Variants in NPTN observed in about 807,000 individuals in gnomAD.
The protein encoded by NPTN is SDR-1.
A neutral mutation model predicts 42.7 loss-of-function variants in NPTN; 5 were observed. The ratio of observed to expected loss-of-function variants is 0.12; its 90% confidence interval spans 0.06 to 0.25. NPTN has a LOEUF of 0.25. Among genes scored for constraint, NPTN ranks in the 10% least tolerant of loss-of-function variants. NPTN has a pLI of 1.00. For missense variants in NPTN, 307 were observed against 525.4 expected, an observed-to-expected ratio of 0.58 and a Z score of 4.06; for synonymous variants, 180 against 201.9, an observed-to-expected ratio of 0.89 and a Z score of 0.92.
At chr15:73,571,966 T>C (rs977485936) in intron 5 of NPTN, among the ~76,000 whole-genome samples, 3 of 152,190 alleles carry the variant, frequency 2.0e-5, no homozygotes, top group Admixed American at 6.5e-5. Context: ...TCAAGGGCAC[T>C]CCTTCCCAGT....
chr15:73,587,672 A>G (rs1896383160), intron 3 of NPTN, 54 bp from the exon 4 acceptor site: 19 of 1,285,070 alleles, frequency 1.5e-5, no homozygotes, highest in Non-Finnish European at 2.2e-5. Flanking sequence ...GTCAAAATAT[A>G]AAACAGAAGG....
chr15:73,605,097 CA>C (rs1050560492), intron 1 of NPTN, among the ~76,000 whole-genome samples: 2 of 124,768 alleles, frequency 1.6e-5, no homozygotes, highest in African/African-American at 7.5e-5. Context: ...GACCCTGTCT[CA>C]AGGGGGGGGG....
intron 1 of NPTN, among the ~76,000 whole-genome samples, chr15:73,614,688 G>T (rs1368388557): frequency 1.3e-5 from 2 of 151,844 alleles, no homozygotes; most frequent in African/African-American, 4.9e-5. Flanking sequence ...TCTTATTAAT[G>T]AAGGATTAAG....
intron 1 of NPTN, among the ~76,000 whole-genome samples, chr15:73,625,398 T>C (rs1465873790): frequency 6.6e-6 from 1 of 152,146 alleles, no homozygotes; most frequent in Non-Finnish European, 1.5e-5. Flanking sequence ...TCACCCAGGC[T>C]GGAGTGCAGT....
chr15:73,570,477 C>T lies in NPTN; in HGVS notation c.841-54G>A. ...GAGAGTGAGTAACTGAGCTAATGTTCAAGAGAGGGTGACACTGCTCTCCGT... is the reference window on the plus strand; with the variant it reads ...GAGAGTGAGTAACTGAGCTAATGTTTAAGAGAGGGTGACACTGCTCTCCGT... On this transcript the variant is annotated intron_variant, in intron 5 of 8. Transcript: ENST00000345330. The surrounding 1 kb of genome is among the most constrained non-coding windows in gnomAD (Gnocchi z 4.0). The T allele has an allele frequency of 6.5e-7, 1 of 1,536,714 alleles. No homozygotes were observed. The highest frequency in any genetic ancestry group is 1.4e-5 in the African/African-American group (1 of 73,510).
chr15:73,566,102 C>T (rs1247931761), intron 6 of NPTN, among the ~76,000 whole-genome samples: 1 of 152,304 alleles, frequency 6.6e-6, no homozygotes, highest in East Asian at 1.9e-4. Flanking sequence ...TATTTCCTTC[C>T]TTGTTTGGTC....
intron 1 of NPTN, among the ~76,000 whole-genome samples, chr15:73,623,183 A>G (rs1430556963): frequency 6.6e-6 from 1 of 152,228 alleles, no homozygotes; most frequent in Non-Finnish European, 1.5e-5. Flanking sequence ...GCTTCTTTGT[A>G]TTCAACACGT....
chr15:73,590,211 C>G (rs1896516787), intron 3 of NPTN, among the ~76,000 whole-genome samples: 1 of 151,986 alleles, frequency 6.6e-6, no homozygotes, highest in South Asian at 2.1e-4. Context: ...TCTGAAATCG[C>G]CTCTTCAGGC....
chr15:73,568,357 T>TC (rs1895159794), intron 6 of NPTN: 1 of 985,298 alleles, frequency 1.0e-6, no homozygotes, highest in African/African-American at 1.7e-5. Flanking sequence ...TTCTCTTACC[T>TC]GACTTTTTAG....
At chr15:73,580,314 C>T (rs1895921707) in intron 4 of NPTN, among the ~76,000 whole-genome samples, 2 of 149,464 alleles carry the variant, frequency 1.3e-5, no homozygotes, top group East Asian at 3.9e-4. Context: ...CAGCAAATCA[C>T]CATGGCACAA....
Position 73,569,069 on chromosome 15 carries a change from A to G in NPTN, c.1114+1081T>C. On this transcript the variant is annotated intron_variant, in intron 6 of 8. Coordinates refer to ENST00000345330, the MANE Select transcript of NPTN (RefSeq NM_012428.4). This position sits in a 1 kb window ranked among gnomAD's most constrained non-coding sequence, Gnocchi z 4.1. ...GGTGCACAAACACAGGCCCCAGAAC[A>G]GCTGGACTACAGCTGGCAACCCCAC... 1.0e-6 allele frequency: 1 copy of G among 985,868 alleles called. No individual in the cohort carries two copies. The highest frequency in any genetic ancestry group is 1.2e-6 in the Non-Finnish European group (1 of 830,286). The allele number at this position is 985,868 out of a possible 1,614,324, so 61.1% of individuals were successfully genotyped here.
At chr15:73,589,380 C>G (rs1017012173) in intron 3 of NPTN, among the ~76,000 whole-genome samples, 5 of 151,962 alleles carry the variant, frequency 3.3e-5, no homozygotes, top group Non-Finnish European at 7.4e-5. Context: ...CAGAACAGCA[C>G]TTCATTTCAA....
chr15:73,577,542 G>T (rs1038325487), intron 4 of NPTN, among the ~76,000 whole-genome samples: 1 of 152,156 alleles, frequency 6.6e-6, no homozygotes, highest in African/African-American at 2.4e-5. Flanking sequence ...AACAAAGATG[G>T]TAACAACCCT....
Position 73,560,018 on chromosome 15 carries a change from T to TTTTATCAATGTTTTA in NPTN, c.*1030_*1044dup. The TTTTATCAATGTTTTA allele has an allele frequency of 9.1e-7, 1 of 1,101,376 alleles. No homozygotes were observed. Among genetic ancestry groups the TTTTATCAATGTTTTA allele is most frequent in the Non-Finnish European group, 1.3e-6 (1 of 790,292 alleles). The allele number at this position is 1,101,376 out of a possible 1,614,324, so 68.2% of individuals were successfully genotyped here. On this transcript the variant is annotated 3_prime_UTR_variant, in exon 9 of 9. Transcript: ENST00000345330. ...GAATAAAGAGTATTATCCAAACACC[T>TTTTATCAATGTTTTA]TTTATCAATGTTTTATTTTTAAAAA...
chr15:73,631,600 C>G (rs557312913), intron 1 of NPTN, among the ~76,000 whole-genome samples: 1 of 152,298 alleles, frequency 6.6e-6, no homozygotes, highest in African/African-American at 2.4e-5. Context: ...GGCTCTATCA[C>G]TGATTTTTTA....
At chr15:73,568,643 C>T in intron 6 of NPTN, 1 of 985,460 alleles carries the variant, frequency 1.0e-6, no homozygotes. Flanking sequence ...AGCAGGTTCA[C>T]TTCATAAAGT....
chr15:73,619,059 T>C (rs1287176884), intron 1 of NPTN, among the ~76,000 whole-genome samples: 1 of 131,530 alleles, frequency 7.6e-6, no homozygotes, highest in Non-Finnish European at 1.6e-5. Flanking sequence ...CAAGACCCTG[T>C]CTCAAAAAAA....
At chr15:73,571,803 G>A (rs1377081777) in intron 5 of NPTN, among the ~76,000 whole-genome samples, 1 of 152,212 alleles carries the variant, frequency 6.6e-6, no homozygotes, top group East Asian at 1.9e-4. Flanking sequence ...AATGATTCTA[G>A]ATATGGCATA....
At chr15:73,622,369 C>T (rs1206525953) in intron 1 of NPTN, among the ~76,000 whole-genome samples, 1 of 151,912 alleles carries the variant, frequency 6.6e-6, no homozygotes, top group Non-Finnish European at 1.5e-5. Flanking sequence ...ATATTCCAAG[C>T]CCCCAGGCAC....
Sources: allele counts gnomAD v4.1 joint callset (sites outside exome capture counted in the v4.1 genomes callset), GRCh38; gene constraint gnomAD v4.1.1; non-coding constraint Gnocchi (gnomAD v3.1); transcripts MANE v1.5; gene names NCBI Gene and HGNC (gene_info 2026-07-23, HGNC 2026-07-21).